The following DNAH11 variants were observed in gnomAD, a reference collection of about 807,000 sequenced individuals.
DNAH11 encodes axonemal beta dynein heavy chain 11.
A neutral mutation model predicts 526.0 loss-of-function variants in DNAH11; 442 were observed. The observed-to-expected ratio is 0.84, with a 90% CI of 0.78 to 0.91. The LOEUF (loss-of-function observed/expected upper bound fraction) is 0.91, where lower values mean the gene tolerates loss of function less well. DNAH11 is among the 40% of genes least tolerant of loss of function. DNAH11 has a pLI of 0.00. For missense variants in DNAH11, 6,989 were observed against 5,448.7 expected, an observed-to-expected ratio of 1.28 and a Z score of -8.90; for synonymous variants, 2,461 against 1,935.9, an observed-to-expected ratio of 1.27 and a Z score of -7.12.
In DNAH11 at chr7:21,745,032, C is replaced by T; in HGVS notation, c.8479C>T (p.Leu2827=). The T allele has an allele frequency of 6.2e-7, 1 of 1,609,296 alleles. No individual in the cohort carries two copies. The highest frequency in any genetic ancestry group is 8.5e-7 in the Non-Finnish European group (1 of 1,177,786). The part of the protein sequence containing the change: ...NYNELNAAMH[L]VLFEDAMQHV... ...CAATGAACTAAATGCTGCCATGCAC[C>T]TAGTTTTGTTTGAAGATGCCATGCA... The change falls in exon 51 of 82, where the codon CTA becomes TTA. Residue 2827 remains leucine (L), a synonymous_variant. Transcript: ENST00000409508.
At chr7:21,715,722 C>T (rs1172991928) in intron 42 of DNAH11, among the ~76,000 whole-genome samples, 3 of 151,916 alleles carry the variant, frequency 2.0e-5, no homozygotes, top group African/African-American at 7.3e-5. Flanking sequence ...CTTTTAATGT[C>T]TATTCCTAAA....
At position 21,857,780 on chromosome 7, in the gene DNAH11, A is replaced by G. The variant is rs185156335; in HGVS notation, c.11202+3325A>G. 4.2e-3 allele frequency among the ~76,000 whole-genome samples: 642 copies of G among 152,312 alleles called. 6 individuals carry two copies. The highest frequency in any genetic ancestry group is 0.015 in the African/African-American group (604 of 41,568). On this transcript the variant is annotated intron_variant, in intron 68 of 81. Transcript: ENST00000409508. Reference sequence around the variant, plus strand: ...TGGAGCAATTGGATATCCACATGACATAAAATAAACCTCAAACTATTATAC... The same window carrying G: ...TGGAGCAATTGGATATCCACATGACGTAAAATAAACCTCAAACTATTATAC...
chr7:21,886,665 C>G (rs889999338), intron 76 of DNAH11, among the ~76,000 whole-genome samples: 2 of 151,924 alleles, frequency 1.3e-5, no homozygotes, highest in African/African-American at 4.8e-5. Context: ...GCGAGGAGCT[C>G]CCCTAGCTCT....
chr7:21,589,050 A>T (rs1301142173), intron 11 of DNAH11, among the ~76,000 whole-genome samples, 158 bp from the exon 12 acceptor site: 1 of 152,176 alleles, frequency 6.6e-6, no homozygotes, highest in Non-Finnish European at 1.5e-5. Flanking sequence ...TATCTTTTAA[A>T]GCAAAAGCAA....
intron 76 of DNAH11, among the ~76,000 whole-genome samples, chr7:21,890,155 T>G (rs371656661): frequency 1.4e-4 from 21 of 152,350 alleles, no homozygotes; most frequent in African/African-American, 5.1e-4. Flanking sequence ...AATATTTTAC[T>G]GATGAAAAGA....
intron 54 of DNAH11, 48 bp from the exon 55 acceptor site, chr7:21,765,380 G>C (rs757947069): frequency 1.3e-4 from 204 of 1,610,784 alleles, no homozygotes; most frequent in Non-Finnish European, 1.7e-4. Flanking sequence ...GTAATTCTCT[G>C]CTCATTCATC....
chr7:21,575,370 A>G (rs550819541), intron 8 of DNAH11, among the ~76,000 whole-genome samples: 3 of 152,344 alleles, frequency 2.0e-5, no homozygotes, highest in South Asian at 2.1e-4. Flanking sequence ...CTTGTTCACC[A>G]TGATATCAGA....
At chr7:21,590,247 G>A (rs1784624644) in intron 12 of DNAH11, among the ~76,000 whole-genome samples, 1 of 152,044 alleles carries the variant, frequency 6.6e-6, no homozygotes, top group Non-Finnish European at 1.5e-5. Context: ...TATATGCATT[G>A]TATATATTTT....
At chr7:21,772,705 G>C (rs934262819) in intron 55 of DNAH11, among the ~76,000 whole-genome samples, 1 of 152,162 alleles carries the variant, frequency 6.6e-6, no homozygotes, top group South Asian at 2.1e-4. Flanking sequence ...TTACTAGTGA[G>C]ATGGATTTTT....
chr7:21,643,491 A>G (rs1354006977), intron 28 of DNAH11, among the ~76,000 whole-genome samples: 2 of 152,224 alleles, frequency 1.3e-5, no homozygotes, highest in Admixed American at 1.3e-4. Context: ...ACTCACTGTC[A>G]ACGTGATTGG....
intron 81 of DNAH11, chr7:21,900,803 A>G (rs1784768689): frequency 4.5e-6 from 3 of 666,956 alleles, no homozygotes; most frequent in Admixed American, 6.8e-5. Context: ...ACCACTACGC[A>G]TGGAAGCAAA....
At chr7:21,776,653 G>T (rs760219021) in intron 56 of DNAH11, among the ~76,000 whole-genome samples, 9 of 152,194 alleles carry the variant, frequency 5.9e-5, no homozygotes, top group Non-Finnish European at 1.2e-4. Context: ...CACGGCTTCA[G>T]TCACTTTGAA....
intron 23 of DNAH11, 108 bp downstream of exon 23, chr7:21,617,885 C>T: frequency 8.4e-7 from 1 of 1,184,966 alleles, no homozygotes; most frequent in Non-Finnish European, 1.1e-6. Context: ...CCCCCCTCAG[C>T]ATAGCCTCTA....
intron 57 of DNAH11, among the ~76,000 whole-genome samples, chr7:21,779,341 C>T (rs1262117496): frequency 1.3e-5 from 2 of 152,186 alleles, no homozygotes; most frequent in Admixed American, 1.3e-4. Flanking sequence ...ATACTGAGCT[C>T]ATTCAAGCAT....
intron 5 of DNAH11, among the ~76,000 whole-genome samples, chr7:21,562,837 A>G (rs952431185): frequency 3.3e-5 from 5 of 152,206 alleles, no homozygotes; most frequent in South Asian, 2.1e-4. Context: ...TTATTGTTAC[A>G]TAGACAGATG....
chr7:21,694,399 T>A (rs1373507255), intron 35 of DNAH11, among the ~76,000 whole-genome samples: 1 of 152,138 alleles, frequency 6.6e-6, no homozygotes, highest in African/African-American at 2.4e-5. Context: ...CCTCCCTGCG[T>A]CCATGTGTTC....
chr7:21,664,487 C>T (rs1207561876), intron 30 of DNAH11, among the ~76,000 whole-genome samples: 1 of 151,840 alleles, frequency 6.6e-6, no homozygotes, highest in East Asian at 1.9e-4. Context: ...TTGAGACAGT[C>T]TTGCTCTTTT....
chr7:21,809,863 G>C (rs1314474369), intron 63 of DNAH11, among the ~76,000 whole-genome samples: 1 of 152,096 alleles, frequency 6.6e-6, no homozygotes, highest in Non-Finnish European at 1.5e-5. Flanking sequence ...ACTACACCTG[G>C]CCTGATTTGA....
chr7:21,687,534 G>A lies in DNAH11; in HGVS notation c.5924+7G>A, dbSNP rs748144821. 1.9e-6 allele frequency: 3 copies of A among 1,611,864 alleles called. No individual in the cohort carries two copies. In the African/African-American group the frequency reaches 4.0e-5, roughly 22 times the overall value. On this transcript the variant is annotated splice_region_variant and intron_variant, in intron 34 of 81. Coordinates refer to ENST00000409508, the MANE Select transcript of DNAH11 (RefSeq NM_001277115.2). ...TCAGAAACAGGAAGAAGAGGTGAGT[G>A]GCATGCAGGCTATCTCTTGTTACAA...
Sources: gnomAD v4.1 joint callset for allele counts (sites outside exome capture counted in the v4.1 genomes callset) on GRCh38, gnomAD v4.1.1 for gene constraint, MANE v1.5 for transcripts, NCBI Gene and HGNC (gene_info 2026-07-23, HGNC 2026-07-21) for gene names.